Variants in NMBR observed in about 807,000 individuals in gnomAD.
The protein encoded by NMBR is neuromedin-B receptor.
NMBR carries 16 observed loss-of-function variants against 20.5 expected under a neutral mutation model. That is an observed-to-expected ratio of 0.78 (90% CI 0.53 to 1.19). The LOEUF (loss-of-function observed/expected upper bound fraction) is 1.19, where lower values mean the gene tolerates loss of function less well. NMBR is among the 50% of genes most tolerant of loss of function. The pLI is 0.00. For synonymous variants in NMBR, 212 were observed against 196.6 expected (o/e 1.08, Z -0.65); for missense variants, 582 against 499.1 (o/e 1.17, Z -1.58).
At position 142,075,185 on chromosome 6, in the gene NMBR, TA is replaced by T. The variant is rs1380274137; in HGVS notation, c.*462del. Among the ~76,000 whole-genome samples the T allele has an allele frequency of 6.6e-6, 1 of 151,924 alleles. No individual in the cohort carries two copies. Among genetic ancestry groups the T allele is most frequent in the Non-Finnish European group, 1.5e-5 (1 of 67,968 alleles). ...AGGACAATCTGACTTGTATTTCAAA[TA>T]ATAGGAGTTTGAATATTACCCTCAC... On this transcript the variant is annotated 3_prime_UTR_variant, in exon 4 of 4. Transcript: ENST00000258042.
At chr6:142,109,296 A>T (rs917638861) in intron 1 of NMBR, among the ~76,000 whole-genome samples, 1 of 151,890 alleles carries the variant, frequency 6.6e-6, no homozygotes, top group Non-Finnish European at 1.5e-5. Context: ...TTTCCCTTCC[A>T]CACTTGCACC....
chr6:142,138,969 C>G (rs538545608), intron 1 of NMBR, among the ~76,000 whole-genome samples: 1 of 152,266 alleles, frequency 6.6e-6, no homozygotes, highest in East Asian at 1.9e-4. Flanking sequence ...TGCCCCAATA[C>G]TAAGGAAGAA....
intron 1 of NMBR, among the ~76,000 whole-genome samples, chr6:142,097,495 T>A (rs571542727): frequency 2.6e-4 from 40 of 152,210 alleles, no homozygotes; most frequent in African/African-American, 9.1e-4. Context: ...AAATCATAAG[T>A]CAAATCATTG....
At chr6:142,106,242 C>T (rs1171179942) in intron 1 of NMBR, among the ~76,000 whole-genome samples, 1 of 152,044 alleles carries the variant, frequency 6.6e-6, no homozygotes, top group Non-Finnish European at 1.5e-5. Flanking sequence ...CCCAAAATAG[C>T]AAGGAGGCAA....
intron 1 of NMBR, among the ~76,000 whole-genome samples, chr6:142,094,927 A>G (rs1000245348): frequency 3.3e-5 from 5 of 152,030 alleles, no homozygotes; most frequent in East Asian, 1.9e-4. Flanking sequence ...GTGAATGGGA[A>G]TTCACTCATG....
Position 142,076,013 on chromosome 6 carries a change from C to G in NMBR, c.808G>C (p.Val270Leu), listed in dbSNP as rs1582832059. The G allele has an allele frequency of 6.2e-7, 1 of 1,602,796 alleles. No individual in the cohort carries two copies. The change falls in exon 4 of 4, where the codon GTC becomes CTC. Residue 270 changes from valine to leucine, a missense_variant. Transcript: ENST00000258042. ...CAGAAGATGAAACAGCCCACAAAGA[C>G]AAGCACAATTTTAGCCAGGCGTTTC... ...TRKRLAKIVL[V>L]FVGCFIFCWF...
chr6:142,075,957 A>G lies in NMBR; in HGVS notation c.864T>C (p.Tyr288=). Residue 288 remains tyrosine, a synonymous_variant, in exon 4 of 4, where the codon TAT becomes TAC. Coordinates refer to ENST00000258042, the MANE Select transcript of NMBR (RefSeq NM_002511.4). Reference sequence around the variant, plus strand: ...CAATCTCATTATAGTTGAAAGACCGATACATGTAAAGGATGTGGTTTGGAA... The same window carrying G: ...CAATCTCATTATAGTTGAAAGACCGGTACATGTAAAGGATGTGGTTTGGAA... The part of the protein sequence containing the change: ...CWFPNHILYM[Y]RSFNYNEIDP... 6.2e-7 allele frequency: 1 copy of G among 1,613,968 alleles called. No individual in the cohort carries two copies. The highest frequency in any genetic ancestry group is 8.5e-7 in the Non-Finnish European group (1 of 1,179,890).
chr6:142,126,624 T>C (rs1478913447), intron 1 of NMBR, among the ~76,000 whole-genome samples: 2 of 151,930 alleles, frequency 1.3e-5, no homozygotes, highest in Non-Finnish European at 2.9e-5. Flanking sequence ...TATCTTATTG[T>C]GATTTTGATT....
chr6:142,094,806 T>C (rs59382036), intron 1 of NMBR, among the ~76,000 whole-genome samples: 18,063 of 152,184 alleles, frequency 0.12, 1,324 homozygotes, highest in African/African-American at 0.19. Context: ...CTTCCATTTC[T>C]TTGTATCCTC....
At position 142,079,086 on chromosome 6, in the gene NMBR, A is replaced by AGAAAGAGAG. The variant is rs1562390150; in HGVS notation, c.423-184_423-183insCTCTCTTTC. ...AGAGAGAGAAAGAGAGAAAGAAAGA[A>AGAAAGAGAG]AGAGAGAAAGAGAGAGAGAGAAAGA... On this transcript the variant is annotated intron_variant, in intron 2 of 3. Coordinates refer to ENST00000258042, the MANE Select transcript of NMBR (RefSeq NM_002511.4). Among the ~76,000 whole-genome samples, 34 of 112,748 alleles carry AGAAAGAGAG rather than the reference A, an allele frequency of 3.0e-4. No individual in the cohort carries two copies. The East Asian group carries it at 3.1e-3, about 10-fold the overall frequency. The allele number at this position is 112,748 out of a possible 152,430, so 74.0% of individuals were successfully genotyped here. A position where few individuals can be genotyped will look rare whatever the true frequency, so the allele number is the denominator to read the frequency against.
intron 1 of NMBR, among the ~76,000 whole-genome samples, chr6:142,106,029 T>C (rs1777655962): frequency 6.6e-6 from 1 of 152,194 alleles, no homozygotes; most frequent in African/African-American, 2.4e-5. Flanking sequence ...TTTAAATTAC[T>C]GAAAATAATT....
chr6:142,144,927 G>A (rs2114618288), intron 1 of NMBR, among the ~76,000 whole-genome samples: 1 of 151,412 alleles, frequency 6.6e-6, no homozygotes, highest in African/African-American at 2.4e-5. Context: ...AGGAGGCTGA[G>A]GCAAGAAGAT....
chr6:142,078,852 C>T lies in NMBR; in HGVS notation c.474G>A (p.Leu158=). The T allele has an allele frequency of 6.2e-7, 1 of 1,613,656 alleles. No homozygotes were observed. The highest frequency in any genetic ancestry group is 8.5e-7 in the Non-Finnish European group (1 of 1,179,968). ...PMDMQTSGAL[L]RTCVKAMGIW... is the part of the protein sequence containing the mutation. ...TACCCATGGCCTTCACACAGGTCCG[C>T]AGCAATGCCCCTGACGTCTGCATGT... is the stretch of plus-strand genomic sequence containing the variant. The change falls in exon 3 of 4, where the codon CTG becomes CTA. Residue 158 remains leucine (L), a synonymous_variant. Transcript: ENST00000258042.
intron 1 of NMBR, chr6:142,134,123 C>A: frequency 1.9e-6 from 1 of 514,474 alleles, no homozygotes; most frequent in South Asian, 3.4e-5. Context: ...TGAGAAATAC[C>A]CTAACAGGTT....
chr6:142,095,943 G>T (rs1777441105), intron 1 of NMBR, among the ~76,000 whole-genome samples: 1 of 152,140 alleles, frequency 6.6e-6, no homozygotes, highest in Admixed American at 6.6e-5. Context: ...TTTGCATAGA[G>T]GTGTTTACAG....
At chr6:142,146,816 G>A (rs1778446360) in intron 1 of NMBR, among the ~76,000 whole-genome samples, 1 of 152,100 alleles carries the variant, frequency 6.6e-6, no homozygotes, top group Non-Finnish European at 1.5e-5. Context: ...TGAAATTAAA[G>A]TTTCTAAAAT....
chr6:142,114,131 A>G (rs1777814047), intron 1 of NMBR, among the ~76,000 whole-genome samples: 1 of 152,166 alleles, frequency 6.6e-6, no homozygotes, highest in Non-Finnish European at 1.5e-5. Context: ...AAAGACTGAT[A>G]TGAATTTGGC....
rs150510076 is a variant in NMBR, at chr6:142,075,865, A to G, written c.956T>C (p.Val319Ala). The change falls in exon 4 of 4, where the codon GTC (valine) becomes GCC (alanine). Residue 319 changes from valine (V) to alanine (A), a missense_variant. Val to Ala is a moderately conservative substitution (Grantham distance 64). Transcript: ENST00000258042. The part of the protein sequence containing the change: ...ARVLSFGNSC[V>A]NPFALYLLSE... ...GAGTAGGTAAAGAGCAAATGGGTTG[A>G]CACAAGAATTGCCAAAACTGAGAAC... is the stretch of plus-strand genomic sequence containing the variant. The G allele has an allele frequency of 3.8e-5, 62 of 1,614,084 alleles. No individual in the cohort carries two copies. The highest frequency in any genetic ancestry group is 3.0e-4 in the Admixed American group (18 of 60,004).
At chr6:142,093,226 T>C (rs997517362) in intron 1 of NMBR, among the ~76,000 whole-genome samples, 3 of 151,814 alleles carry the variant, frequency 2.0e-5, no homozygotes, top group East Asian at 1.9e-4. Flanking sequence ...AATGTATACA[T>C]GTGCCATGTT....
Sources: allele counts gnomAD v4.1 joint callset (sites outside exome capture counted in the v4.1 genomes callset), GRCh38; gene constraint gnomAD v4.1.1; transcripts MANE v1.5; gene names NCBI Gene and HGNC (gene_info 2026-07-23, HGNC 2026-07-21).